Variants in SOX5 observed in about 807,000 individuals in gnomAD.
SOX5 encodes transcription factor SOX-5.
SOX5 carries 9 observed loss-of-function variants against 92.0 expected under a neutral mutation model. That is an observed-to-expected ratio of 0.10 (90% CI 0.06 to 0.17). The LOEUF is 0.17. SOX5 is among the 10% of genes least tolerant of loss of function. The pLI is 1.00. For missense variants in SOX5, 642 were observed against 944.5 expected (o/e 0.68, Z 4.20); for synonymous variants, 344 against 336.3 (o/e 1.02, Z -0.25).
At chr12:23,600,427 T>A (rs553164281) in intron 9 of SOX5, among the ~76,000 whole-genome samples, 222 of 150,028 alleles carry the variant, frequency 1.5e-3, no homozygotes, top group Non-Finnish European at 2.8e-3. Flanking sequence ...TTAGAAAAAT[T>A]TTATTGTAAC....
intron 1 of SOX5, among the ~76,000 whole-genome samples, chr12:24,532,893 A>G (rs966106143): frequency 6.6e-6 from 1 of 152,242 alleles, no homozygotes; most frequent in African/African-American, 2.4e-5. Flanking sequence ...GTTTACTAGC[A>G]GGTAACCAGA....
chr12:24,210,319 A>C (rs1283434705), intron 4 of SOX5, among the ~76,000 whole-genome samples: 1 of 152,222 alleles, frequency 6.6e-6, no homozygotes, highest in Non-Finnish European at 1.5e-5. Context: ...GGAGGCAAAC[A>C]GAGGTCAAAG....
chr12:23,684,378 G>A (rs908847646), intron 6 of SOX5, among the ~76,000 whole-genome samples: 1 of 151,950 alleles, frequency 6.6e-6, no homozygotes, highest in African/African-American at 2.4e-5. Flanking sequence ...GCTGCCTGGA[G>A]AGAAAGAGAA....
chr12:24,136,040 G>A (rs1389175496), intron 4 of SOX5, among the ~76,000 whole-genome samples: 1 of 152,206 alleles, frequency 6.6e-6, no homozygotes, highest in Non-Finnish European at 1.5e-5. Flanking sequence ...CGGCAAGATA[G>A]AAGTCTATTT....
At chr12:23,597,535 T>A (rs1358188460) in intron 9 of SOX5, among the ~76,000 whole-genome samples, 1 of 152,164 alleles carries the variant, frequency 6.6e-6, no homozygotes, top group African/African-American at 2.4e-5. Context: ...TTTAACTTAT[T>A]TCCATGTAGC....
intron 4 of SOX5, among the ~76,000 whole-genome samples, chr12:23,959,514 C>G (rs974979441): frequency 6.6e-6 from 1 of 151,864 alleles, no homozygotes; most frequent in Admixed American, 6.6e-5. Context: ...GTCTTACTAA[C>G]AATGGATCAA....
intron 4 of SOX5, among the ~76,000 whole-genome samples, chr12:24,082,404 GAAA>G (rs58736325): frequency 0.042 from 3,067 of 73,198 alleles, 10 homozygotes; most frequent in Non-Finnish European, 0.055. Context: ...CTTTCGAAAA[GAAA>G]AAAAAAAAAA....
chr12:24,442,588 G>C (rs1940810776), intron 1 of SOX5, among the ~76,000 whole-genome samples: 1 of 152,290 alleles, frequency 6.6e-6, no homozygotes, highest in Admixed American at 6.5e-5. Flanking sequence ...AGACGTTAAT[G>C]AGAAAGTCAC....
intron 4 of SOX5, among the ~76,000 whole-genome samples, chr12:24,148,067 T>G (rs1403602136): frequency 6.6e-6 from 1 of 152,126 alleles, no homozygotes; most frequent in Non-Finnish European, 1.5e-5. Context: ...CATTCTAAAA[T>G]TTATATAAAA....
At chr12:23,657,257 A>T (rs1258347662) in intron 7 of SOX5, among the ~76,000 whole-genome samples, 1 of 152,154 alleles carries the variant, frequency 6.6e-6, no homozygotes, top group East Asian at 1.9e-4. Context: ...CATATAAGCG[A>T]TGCTTAGATT....
chr12:23,762,794 T>A (rs1246182567), intron 3 of SOX5, among the ~76,000 whole-genome samples: 1 of 152,146 alleles, frequency 6.6e-6, no homozygotes, highest in African/African-American at 2.4e-5. Context: ...TTTTATCACA[T>A]GATTATGCCA....
chr12:24,315,393 T>G (rs1935589428), intron 2 of SOX5, among the ~76,000 whole-genome samples: 1 of 151,988 alleles, frequency 6.6e-6, no homozygotes. Flanking sequence ...TTAAAGAGAT[T>G]AAGAGATTAA....
intron 2 of SOX5, among the ~76,000 whole-genome samples, chr12:23,868,727 C>A (rs563531560): frequency 6.6e-6 from 1 of 152,182 alleles, no homozygotes; most frequent in East Asian, 1.9e-4. Flanking sequence ...CTCGCCTGAA[C>A]CATGGTTCAA....
chr12:24,554,021 T>A (rs946593617), intron 1 of SOX5, among the ~76,000 whole-genome samples: 2 of 152,214 alleles, frequency 1.3e-5, no homozygotes, highest in Non-Finnish European at 2.9e-5. Flanking sequence ...AGTATGCATG[T>A]CTTCAAAAGC....
chr12:23,837,899 ATTTATAT>A (rs2096450041), intron 3 of SOX5, among the ~76,000 whole-genome samples: 1 of 112,890 alleles, frequency 8.9e-6, no homozygotes, highest in African/African-American at 3.6e-5. Flanking sequence ...TATAAGATAT[ATTTATAT>A]TTATATACTA....
chr12:24,415,894 T>C (rs1249981606), intron 1 of SOX5, among the ~76,000 whole-genome samples: 1 of 152,188 alleles, frequency 6.6e-6, no homozygotes, highest in Non-Finnish European at 1.5e-5. Context: ...AAAATGAGGA[T>C]GCATTCCAGA....
chr12:23,812,536 A>G (rs1273510268), intron 3 of SOX5, among the ~76,000 whole-genome samples: 1 of 152,132 alleles, frequency 6.6e-6, no homozygotes, highest in Non-Finnish European at 1.5e-5. Context: ...ATTAGCTATT[A>G]GATCTCTTTA....
At chr12:23,845,946 A>G (rs1041511246) in intron 3 of SOX5, 37 bp downstream of exon 3, 14 of 1,472,264 alleles carry the variant, frequency 9.5e-6, no homozygotes, top group African/African-American at 1.4e-5. Flanking sequence ...TAAAATCAGG[A>G]CACAGCATCA....
chr12:23,692,516 G>A (rs967940290), intron 6 of SOX5, among the ~76,000 whole-genome samples: 2 of 151,740 alleles, frequency 1.3e-5, no homozygotes, highest in African/African-American at 4.8e-5. Flanking sequence ...AGTAAGCACT[G>A]TATAGTACCA....
Sources: allele counts gnomAD v4.1 joint callset (sites outside exome capture counted in the v4.1 genomes callset), GRCh38; gene constraint gnomAD v4.1.1; transcripts MANE v1.5; gene names NCBI Gene and HGNC (gene_info 2026-07-23, HGNC 2026-07-21).